ZFHX3: variants seen among roughly 807,000 people sequenced by gnomAD.
ZFHX3 encodes zinc finger homeobox 3.
Under a neutral mutation model 279.1 loss-of-function variants are expected in ZFHX3, and 42 were observed. The observed-to-expected ratio is 0.15, with a 90% CI of 0.12 to 0.19. The LOEUF is 0.19. ZFHX3 is among the 10% of genes least tolerant of loss of function. The pLI is 1.00. For missense variants in ZFHX3, 4,981 were observed against 4,754.0 expected, an observed-to-expected ratio of 1.05 and a Z score of -1.40; for synonymous variants, 2,293 against 1,957.8, an observed-to-expected ratio of 1.17 and a Z score of -4.52.
chr16:73,686,593 CAG>C (rs1228946979), intron 1 of ZFHX3, among the ~76,000 whole-genome samples: 1 of 152,128 alleles, frequency 6.6e-6, no homozygotes, highest in Non-Finnish European at 1.5e-5. Context: ...TGGAGCTGCC[CAG>C]AGTGATGAGT....
At chr16:73,395,291 C>T (rs1272680115) in intron 3 of ZFHX3, among the ~76,000 whole-genome samples, 1 of 152,172 alleles carries the variant, frequency 6.6e-6, no homozygotes, top group Non-Finnish European at 1.5e-5. Flanking sequence ...TGGAGAAACC[C>T]TGTCTCTACT....
intron 2 of ZFHX3, among the ~76,000 whole-genome samples, chr16:73,458,600 C>A (rs1397501811): frequency 6.6e-6 from 1 of 152,006 alleles, no homozygotes; most frequent in Non-Finnish European, 1.5e-5. Flanking sequence ...TCAGGTGATC[C>A]ACTCACCTCG....
At chr16:73,563,932 A>G (rs553049051) in intron 2 of ZFHX3, among the ~76,000 whole-genome samples, 1 of 152,336 alleles carries the variant, frequency 6.6e-6, no homozygotes, top group East Asian at 1.9e-4. Flanking sequence ...TGCTAGATCA[A>G]CTTCTCAAGG....
intron 6 of ZFHX3, among the ~76,000 whole-genome samples, chr16:73,140,273 T>C (rs148509362): frequency 1.1e-3 from 173 of 152,118 alleles, no homozygotes; most frequent in African/African-American, 3.9e-3. Flanking sequence ...AAAAAAGGTA[T>C]AAAATAAAAT....
intron 2 of ZFHX3, among the ~76,000 whole-genome samples, chr16:73,667,104 G>A (rs2052850463): frequency 6.6e-6 from 1 of 152,012 alleles, no homozygotes; most frequent in Non-Finnish European, 1.5e-5. Context: ...CGATTCTCCT[G>A]CCTCAGCCTC....
At chr16:73,860,931 T>C (rs776191780) in intron 1 of ZFHX3, among the ~76,000 whole-genome samples, 6 of 152,082 alleles carry the variant, frequency 3.9e-5, no homozygotes, top group Non-Finnish European at 8.8e-5. Flanking sequence ...TCTCTTAGTT[T>C]ACTTTGTGTA....
intron 1 of ZFHX3, among the ~76,000 whole-genome samples, chr16:73,859,209 C>A (rs746281625): frequency 3.3e-5 from 5 of 152,178 alleles, no homozygotes; most frequent in Middle Eastern, 3.2e-3. Flanking sequence ...TCTGAAACAT[C>A]CCCCAGTTCC....
intron 3 of ZFHX3, among the ~76,000 whole-genome samples, chr16:72,906,666 C>T (rs1047081508): frequency 2.0e-4 from 31 of 152,112 alleles, no homozygotes; most frequent in African/African-American, 6.5e-4. Context: ...GGCATGGTGG[C>T]ACGCGCCCGC....
chr16:73,793,124 C>G (rs751417671), intron 1 of ZFHX3, among the ~76,000 whole-genome samples: 3 of 152,216 alleles, frequency 2.0e-5, no homozygotes, highest in Non-Finnish European at 4.4e-5. Flanking sequence ...CCTTGGTTCT[C>G]AGCCCTCCTG....
intron 1 of ZFHX3, among the ~76,000 whole-genome samples, chr16:73,741,028 C>CT (rs57661722): frequency 5.0e-3 from 429 of 85,514 alleles, no homozygotes; most frequent in African/African-American, 7.1e-3. Context: ...AAAAATGGGC[C>CT]TTTTTTTTTT....
intron 3 of ZFHX3, among the ~76,000 whole-genome samples, chr16:73,424,194 A>G (rs1597330229): frequency 6.6e-6 from 1 of 152,198 alleles, no homozygotes; most frequent in Non-Finnish European, 1.5e-5. Flanking sequence ...ACTGACCAAT[A>G]GAAAGGCTTC....
At chr16:72,933,813 C>CTTATTT (rs1959953112) in intron 3 of ZFHX3, among the ~76,000 whole-genome samples, 1 of 112,458 alleles carries the variant, frequency 8.9e-6, no homozygotes, top group Non-Finnish European at 2.0e-5. Context: ...TCACAACTTT[C>CTTATTT]TTTTTTTTTT....
At chr16:73,174,948 A>G (rs1967626102) in intron 5 of ZFHX3, among the ~76,000 whole-genome samples, 1 of 151,862 alleles carries the variant, frequency 6.6e-6, no homozygotes, top group East Asian at 1.9e-4. Flanking sequence ...GAAACGCTTG[A>G]ACCTGGGAGG....
chr16:72,925,660 G>A (rs947935442), intron 3 of ZFHX3, among the ~76,000 whole-genome samples: 92 of 152,352 alleles, frequency 6.0e-4, no homozygotes, highest in Non-Finnish European at 1.6e-4. Flanking sequence ...TGAGGAAAAA[G>A]GAATGAATGA....
intron 2 of ZFHX3, among the ~76,000 whole-genome samples, chr16:73,588,702 C>CAAAAAAAAAA (rs35658515): frequency 7.1e-5 from 4 of 56,384 alleles, no homozygotes; most frequent in African/African-American, 2.3e-4. Context: ...AAACAAAAAA[C>CAAAAAAAAAA]AAAACAAAAA....
At position 73,695,715 on chromosome 16, in the gene ZFHX3, G is replaced by A. The variant is rs145438211; in HGVS notation, c.-1607-15475C>T. On this transcript the variant is annotated intron_variant, in intron 1 of 17. Coordinates refer to the ZFHX3 transcript ENST00000641206. The stretch of plus-strand genomic sequence containing the variant: ...CCTCCCAGGGCTGCCAAGAGAATGC[G>A]ATAAGATGGCCTTTGTGAAGCTCCG... Among the ~76,000 whole-genome samples the A allele has an allele frequency of 2.7e-3, 417 of 152,324 alleles. 1 individual carries two copies. The highest frequency in any genetic ancestry group is 4.8e-3 in the Non-Finnish European group (326 of 68,036).
In ZFHX3 at chr16:73,326,756, A is replaced by T. The variant is rs141371456; in HGVS notation, c.-1290-8420T>A. ...TGAATCCTATACTTCAAATGGATGA[A>T]TTTTACGGTAAGTGAATAATATCTC... On this transcript the variant is annotated intron_variant, in intron 3 of 17. Transcript: ENST00000641206. 5.9e-5 allele frequency among the ~76,000 whole-genome samples: 9 copies of T among 152,326 alleles called. No homozygotes were observed. In the East Asian group the frequency reaches 1.7e-3, roughly 29 times the overall value.
intron 2 of ZFHX3, among the ~76,000 whole-genome samples, chr16:73,545,145 C>G (rs969551807): frequency 2.7e-5 from 4 of 150,676 alleles, no homozygotes; most frequent in African/African-American, 9.8e-5. Flanking sequence ...AGAGTCACTT[C>G]CCCCCGACCC....
At chr16:73,573,753 T>TTGTATC (rs1489473467) in intron 2 of ZFHX3, among the ~76,000 whole-genome samples, 1 of 152,230 alleles carries the variant, frequency 6.6e-6, no homozygotes, top group Non-Finnish European at 1.5e-5. Flanking sequence ...ACCAGTGTGG[T>TTGTATC]TGTTTCTGTT....
Sources: gnomAD v4.1 joint callset for allele counts (sites outside exome capture counted in the v4.1 genomes callset) on GRCh38, gnomAD v4.1.1 for gene constraint, MANE v1.5 for transcripts, NCBI Gene and HGNC (gene_info 2026-07-23, HGNC 2026-07-21) for gene names.